MANBA: variants seen among roughly 807,000 people sequenced by gnomAD.
MANBA encodes the protein mannosidase beta.
MANBA carries 83 observed loss-of-function variants against 111.1 expected under a neutral mutation model. That is an observed-to-expected ratio of 0.75 (90% CI 0.63 to 0.90). The LOEUF is 0.90. Among genes scored for constraint, MANBA ranks in the 40% least tolerant of loss-of-function variants. The probability of loss-of-function intolerance (pLI) is 0.00; values close to 1 mark genes in which losing one functional copy is unlikely to be tolerated. For missense variants in MANBA, 1,036 were observed against 1,069.0 expected, an observed-to-expected ratio of 0.97 and a Z score of 0.43; for synonymous variants, 370 against 378.7, an observed-to-expected ratio of 0.98 and a Z score of 0.27.
Position 102,639,848 on chromosome 4 carries a change from C to T in MANBA, c.1879G>A (p.Ala627Thr), listed in dbSNP as rs768983088. The T allele has an allele frequency of 6.2e-7, 1 of 1,613,990 alleles. No individual in the cohort carries two copies. The highest frequency in any genetic ancestry group is 8.5e-7 in the Non-Finnish European group (1 of 1,179,956). The change falls in exon 14 of 17, where the codon GCC (alanine) becomes ACC (threonine). Residue 627 changes from alanine (A) to threonine (T), a missense_variant. Coordinates refer to ENST00000647097, the MANE Select transcript of MANBA (RefSeq NM_005908.4). ...TCAGTTTCTGTTTTGACACACTGGG[C>T]CTGCATCACCTGATTCAGGAAAACA... ...DTIYLTQVMQ[A>T]QCVKTETEFY...
chr4:102,752,368 G>C, intron 1 of MANBA: 1 of 1,323,050 alleles, frequency 7.6e-7, no homozygotes, highest in Non-Finnish European at 1.1e-6. Context: ...CCGAACTAAA[G>C]ACCATTCTTT....
intron 11 of MANBA, among the ~76,000 whole-genome samples, chr4:102,660,697 C>T (rs1284667925): frequency 6.6e-6 from 1 of 151,100 alleles, no homozygotes. Context: ...CTCAAATGTT[C>T]CCCCTGCCTC....
chr4:102,711,358 C>A (rs1348021799), intron 5 of MANBA, among the ~76,000 whole-genome samples: 1 of 152,088 alleles, frequency 6.6e-6, no homozygotes, highest in Admixed American at 6.5e-5. Flanking sequence ...CAGGTATATG[C>A]ACAAATGGTC....
chr4:102,734,587 C>A, intron 1 of MANBA: 1 of 1,606,634 alleles, frequency 6.2e-7, no homozygotes. Context: ...AACAAGAGGC[C>A]CAAGAAAGAG....
chr4:102,638,847 T>A (rs954053861), intron 14 of MANBA, among the ~76,000 whole-genome samples: 4 of 152,156 alleles, frequency 2.6e-5, no homozygotes, highest in Admixed American at 2.6e-4. Context: ...TCTTTTGATC[T>A]GCATTCACAG....
intron 3 of MANBA, among the ~76,000 whole-genome samples, chr4:102,723,563 C>T (rs914028280): frequency 2.0e-5 from 3 of 152,190 alleles, no homozygotes; most frequent in African/African-American, 7.2e-5. Flanking sequence ...AATCATTTGT[C>T]CAATGAAACT....
chr4:102,743,408 A>G (rs568386933), intron 1 of MANBA, among the ~76,000 whole-genome samples: 1 of 152,136 alleles, frequency 6.6e-6, no homozygotes, highest in Non-Finnish European at 1.5e-5. Context: ...TCCTTCAGGG[A>G]TGTCCTAGAA....
At chr4:102,640,261 A>G (rs1285374744) in intron 13 of MANBA, among the ~76,000 whole-genome samples, 2 of 152,234 alleles carry the variant, frequency 1.3e-5, no homozygotes, top group East Asian at 3.8e-4. Flanking sequence ...TATTTTTAAG[A>G]AAAACTTTTA....
intron 11 of MANBA, among the ~76,000 whole-genome samples, chr4:102,660,180 T>C (rs1289875765): frequency 6.6e-6 from 1 of 152,212 alleles, no homozygotes; most frequent in Non-Finnish European, 1.5e-5. Context: ...CCTTTCTTGC[T>C]GAACGGTACC....
intron 11 of MANBA, among the ~76,000 whole-genome samples, chr4:102,664,106 G>T (rs955631488): frequency 2.6e-5 from 4 of 152,108 alleles, no homozygotes; most frequent in African/African-American, 9.7e-5. Flanking sequence ...AACTTTTTGG[G>T]ATCCACGGAT....
In MANBA at chr4:102,632,015, G is replaced by A. The variant is rs1379877478; in HGVS notation, c.*42C>T. On this transcript the variant is annotated 3_prime_UTR_variant, in exon 17 of 17. Transcript: ENST00000647097. ...CCTCTCCAGTCGGTGCTTTAGAAATGCTTTATTCCCATTGTCCACTGAAAA... is the reference window on the plus strand; with the variant it reads ...CCTCTCCAGTCGGTGCTTTAGAAATACTTTATTCCCATTGTCCACTGAAAA... 6.7e-7 allele frequency: 1 copy of A among 1,487,426 alleles called. No individual in the cohort carries two copies. The allele number at this position is 1,487,426 out of a possible 1,614,324, so 92.1% of individuals were successfully genotyped here.
chr4:102,726,422 T>C (rs920737960), intron 2 of MANBA, among the ~76,000 whole-genome samples, 167 bp downstream of exon 2: 5 of 151,810 alleles, frequency 3.3e-5, no homozygotes, highest in African/African-American at 1.2e-4. Context: ...ACTTTTATAG[T>C]ACAAGGCTTT....
At position 102,690,632 on chromosome 4, in the gene MANBA, C is replaced by A; in HGVS notation, c.813G>T (p.Gly271=). 6.2e-7 allele frequency: 1 copy of A among 1,612,602 alleles called. No homozygotes were observed. ...QQTYSIELQP[G]KRIVELFVNI... ...TCACAAATAGCTCAACAATCCTTTT[C>A]CCAGGTTGAAGTTCAATGCTGTATG... Residue 271 remains glycine (G), a synonymous_variant, in exon 6 of 17, where the codon GGG becomes GGT. Coordinates refer to ENST00000647097, the MANE Select transcript of MANBA (RefSeq NM_005908.4).
rs138426489 is a variant in MANBA at position 102,748,205 on chromosome 4, A to G, written c.177+12513T>C. On this transcript the variant is annotated intron_variant, in intron 1 of 16. Coordinates refer to ENST00000647097, the MANE Select transcript of MANBA (RefSeq NM_005908.4). ...TGAGTCTTTGTGAAGCTCAAAAAAC[A>G]TCTCTGTACACCTGTTTTCTCAGTT... is the stretch of plus-strand genomic sequence containing the variant. 1.9e-4 allele frequency among the ~76,000 whole-genome samples: 29 copies of G among 152,302 alleles called. No individual in the cohort carries two copies. The Middle Eastern group carries it at 0.014, about 71-fold the overall frequency.
intron 5 of MANBA, among the ~76,000 whole-genome samples, chr4:102,710,892 C>T (rs575840596): frequency 2.4e-4 from 37 of 152,062 alleles, no homozygotes; most frequent in African/African-American, 8.4e-4. Context: ...ATAAATGGTG[C>T]GGGGAAAATT....
intron 1 of MANBA, among the ~76,000 whole-genome samples, chr4:102,742,752 C>A (rs746524883): frequency 6.6e-6 from 1 of 152,150 alleles, no homozygotes; most frequent in Non-Finnish European, 1.5e-5. Flanking sequence ...ATAGGCAAAC[C>A]CATATCCAGA....
intron 12 of MANBA, among the ~76,000 whole-genome samples, chr4:102,657,225 G>GC (rs1730597740): frequency 8.0e-6 from 1 of 124,500 alleles, no homozygotes; most frequent in African/African-American, 2.9e-5. Flanking sequence ...AGTGGGGTGG[G>GC]GGGGGGGTGG....
At chr4:102,760,378 C>T (rs915245425) in intron 1 of MANBA, among the ~76,000 whole-genome samples, 1 of 152,148 alleles carries the variant, frequency 6.6e-6, no homozygotes, top group African/African-American at 2.4e-5. Flanking sequence ...CAGTAATTCC[C>T]GACCTTATGC....
At chr4:102,704,302 C>T (rs1010446263) in intron 5 of MANBA, among the ~76,000 whole-genome samples, 1 of 152,046 alleles carries the variant, frequency 6.6e-6, no homozygotes, top group African/African-American at 2.4e-5. Flanking sequence ...CCTCAGCCTC[C>T]GAATACTTGG....
Sources: gnomAD v4.1 joint callset for allele counts (sites outside exome capture counted in the v4.1 genomes callset) on GRCh38, gnomAD v4.1.1 for gene constraint, MANE v1.5 for transcripts, NCBI Gene and HGNC (gene_info 2026-07-23, HGNC 2026-07-21) for gene names.